Variants in ZNF148 observed in about 807,000 individuals in gnomAD.
ZNF148 encodes Beta-Enolase Repressor Factor-1.
Under a neutral mutation model 67.7 loss-of-function variants are expected in ZNF148, and 7 were observed. The ratio of observed to expected loss-of-function variants is 0.10; its 90% CI spans 0.06 to 0.19. The LOEUF is 0.19. Ranked by LOEUF, ZNF148 falls within the 10% of genes least tolerant of loss-of-function variation. ZNF148 has a pLI of 1.00. For synonymous variants in ZNF148, 333 were observed against 330.7 expected (o/e 1.01, Z -0.08); for missense variants, 583 against 947.1 (o/e 0.62, Z 5.05).
At chr3:125,294,051 C>T (rs535292981) in intron 4 of ZNF148, among the ~76,000 whole-genome samples, 5 of 152,192 alleles carry the variant, frequency 3.3e-5, no homozygotes, top group East Asian at 3.9e-4. Context: ...TATGTGCCCC[C>T]GATATGATGC....
intron 4 of ZNF148, among the ~76,000 whole-genome samples, chr3:125,297,718 C>A (rs1939358620): frequency 6.9e-6 from 1 of 145,508 alleles, no homozygotes; most frequent in Non-Finnish European, 1.5e-5. Context: ...ATCATACCAC[C>A]AAAACAGCTA....
At chr3:125,307,447 C>G (rs1939945003) in intron 4 of ZNF148, among the ~76,000 whole-genome samples, 1 of 152,064 alleles carries the variant, frequency 6.6e-6, no homozygotes, top group Non-Finnish European at 1.5e-5. Context: ...GGACCACAGG[C>G]GCTTGCTACC....
rs374035963 is a variant in ZNF148 at position 125,233,350 on chromosome 3, T to G, written c.1376A>C (p.His459Pro). The change falls in exon 9 of 9, where the codon CAT becomes CCT. Residue 459 changes from histidine to proline, a missense_variant. His to Pro is a moderately conservative substitution (Grantham distance 77). Transcript: ENST00000360647. This position sits in a 1 kb window ranked among gnomAD's most constrained non-coding sequence, Gnocchi z 5.1. ...GGCATCATCATAATTAGTACTACTA[T>G]GCACAGGTTTACTGGGCCCCTCCTG... ...NLQEGPSKPVHSSTNYDDAMQ... is the reference protein window; with the variant it reads ...NLQEGPSKPVPSSTNYDDAMQ... The G allele has an allele frequency of 1.7e-4, 275 of 1,613,896 alleles. No individual in the cohort carries two copies. The highest frequency in any genetic ancestry group is 2.2e-4 in the Non-Finnish European group (258 of 1,179,936).
intron 1 of ZNF148, among the ~76,000 whole-genome samples, chr3:125,340,722 C>G (rs1220748326): frequency 6.6e-6 from 1 of 152,110 alleles, no homozygotes; most frequent in Admixed American, 6.5e-5. Flanking sequence ...CGCGGTGGCT[C>G]ATGCCTGTAA....
intron 3 of ZNF148, among the ~76,000 whole-genome samples, chr3:125,317,004 G>A (rs1025143852): frequency 5.3e-5 from 8 of 152,138 alleles, no homozygotes; most frequent in Admixed American, 2.0e-4. Flanking sequence ...AGCACACCTT[G>A]ATACAGAAGT....
In ZNF148 at chr3:125,313,390, T is replaced by G. The variant is rs766467888; in HGVS notation, c.251A>C (p.Glu84Ala). 6.2e-7 allele frequency: 1 copy of G among 1,614,198 alleles called. No individual in the cohort carries two copies. The highest frequency in any genetic ancestry group is 8.5e-7 in the Non-Finnish European group (1 of 1,180,020). ...CTCTTCATCATTTTTCACTGTCTCC[T>G]CATGGACCATGAGTTCATCATGTGA... is the stretch of plus-strand genomic sequence containing the variant. ...MISHDELMVH[E>A]ETVKNDEEQM... Residue 84 changes from glutamate (E) to alanine (A), a missense_variant, in exon 4 of 9, where the codon GAG (glutamate) becomes GCG (alanine). Coordinates refer to ENST00000360647, the MANE Select transcript of ZNF148 (RefSeq NM_021964.3).
At chr3:125,255,738 T>A (rs1328343314) in intron 7 of ZNF148, among the ~76,000 whole-genome samples, 2 of 152,184 alleles carry the variant, frequency 1.3e-5, no homozygotes, top group African/African-American at 4.8e-5. Context: ...AATTCTAGGT[T>A]AGCTTTCAGC....
At chr3:125,335,923 T>C (rs991226255) in intron 1 of ZNF148, among the ~76,000 whole-genome samples, 1 of 152,194 alleles carries the variant, frequency 6.6e-6, no homozygotes, top group Admixed American at 6.5e-5. Flanking sequence ...TGAATTAACG[T>C]AGCAAGATCC....
intron 1 of ZNF148, among the ~76,000 whole-genome samples, chr3:125,366,959 G>A (rs1942722372): frequency 6.6e-6 from 1 of 152,054 alleles, no homozygotes; most frequent in South Asian, 2.1e-4. Flanking sequence ...TTTAAATTCA[G>A]TAATATTTGG....
intron 4 of ZNF148, among the ~76,000 whole-genome samples, chr3:125,306,930 A>T (rs1313902196): frequency 2.6e-5 from 4 of 152,192 alleles, no homozygotes; most frequent in African/African-American, 9.7e-5. Context: ...TTACTGGTAA[A>T]GCCTATCAAA....
Position 125,259,634 on chromosome 3 carries a change from T to TA in ZNF148, c.667+18091dup, listed in dbSNP as rs370632680. ...ATTAAGTGTAAAATAGCATTACGTC[T>TA]AAAAAAAACCAATGTACATTATCAC... On this transcript the variant is annotated intron_variant, in intron 7 of 8. Coordinates refer to ENST00000360647, the MANE Select transcript of ZNF148 (RefSeq NM_021964.3). Among the ~76,000 whole-genome samples, 10 of 152,100 alleles carry TA rather than the reference T, an allele frequency of 6.6e-5. No homozygotes were observed. The Middle Eastern group carries it at 0.01, about 155-fold the overall frequency.
chr3:125,314,047 T>A (rs1044520162), intron 3 of ZNF148, among the ~76,000 whole-genome samples: 4 of 151,920 alleles, frequency 2.6e-5, no homozygotes, highest in Non-Finnish European at 4.4e-5. Flanking sequence ...ATCAAGCAAA[T>A]CATTTTTAAA....
At chr3:125,354,842 C>A (rs912789799) in intron 1 of ZNF148, among the ~76,000 whole-genome samples, 2 of 152,112 alleles carry the variant, frequency 1.3e-5, no homozygotes, top group Non-Finnish European at 2.9e-5. Flanking sequence ...CTGAAGAATT[C>A]AAAAATATGT....
At position 125,317,643 on chromosome 3, in the gene ZNF148, T is replaced by TTA. The variant is rs796710882; in HGVS notation, c.-16-3989_-16-3988dup. Among the ~76,000 whole-genome samples the TTA allele has an allele frequency of 7.4e-3, 749 of 100,984 alleles. 9 individuals are homozygous for TTA. The highest frequency in any genetic ancestry group is 0.018 in the African/African-American group (481 of 26,116). The allele number at this position is 100,984 out of a possible 152,430, so 66.2% of individuals were successfully genotyped here. ...AGAACTATGTAGATAGTAAGATCTT[T>TTA]TATATATATATATATATATAGAGAG... On this transcript the variant is annotated intron_variant, in intron 3 of 8. Transcript: ENST00000360647.
chr3:125,264,377 A>G (rs1560124490), intron 7 of ZNF148, among the ~76,000 whole-genome samples: 1 of 152,220 alleles, frequency 6.6e-6, no homozygotes, highest in African/African-American at 2.4e-5. Flanking sequence ...GCATTTAATT[A>G]AACTGTATAA....
chr3:125,262,073 T>G (rs1156955767), intron 7 of ZNF148, among the ~76,000 whole-genome samples: 3 of 152,170 alleles, frequency 2.0e-5, no homozygotes, highest in African/African-American at 7.2e-5. Context: ...TCCCTATCAT[T>G]AAAATCAATT....
chr3:125,271,903 G>A (rs1316932389), intron 7 of ZNF148, among the ~76,000 whole-genome samples: 4 of 152,062 alleles, frequency 2.6e-5, no homozygotes, highest in Admixed American at 1.3e-4. Flanking sequence ...GGTGTTTGCC[G>A]GTCTGCCTCA....
At chr3:125,352,054 AAAG>A (rs1942171296) in intron 1 of ZNF148, among the ~76,000 whole-genome samples, 1 of 152,168 alleles carries the variant, frequency 6.6e-6, no homozygotes, top group African/African-American at 2.4e-5. Context: ...CATATACACA[AAAG>A]AAATGAAAAC....
intron 1 of ZNF148, among the ~76,000 whole-genome samples, chr3:125,342,591 TAAAA>T (rs796332274): frequency 2.1e-5 from 3 of 141,920 alleles, no homozygotes; most frequent in African/African-American, 7.7e-5. Flanking sequence ...GAAGAAAAGT[TAAAA>T]AAAAAAAAGT....
Sources: allele counts gnomAD v4.1 joint callset (sites outside exome capture counted in the v4.1 genomes callset), GRCh38; gene constraint gnomAD v4.1.1; non-coding constraint Gnocchi (gnomAD v3.1); transcripts MANE v1.5; gene names NCBI Gene and HGNC (gene_info 2026-07-23, HGNC 2026-07-21).